ULK4: variants seen among roughly 807,000 people sequenced by gnomAD.
ULK4 encodes inactive serine/threonine-protein kinase ULK4.
ULK4 carries 133 observed loss-of-function variants against 160.6 expected under a neutral mutation model. The ratio of observed to expected loss-of-function variants is 0.83; its 90% CI spans 0.72 to 0.96. ULK4 has a LOEUF of 0.96. Among genes scored for constraint, ULK4 ranks in the 40% least tolerant of loss-of-function variants. The pLI is 0.00. For synonymous variants in ULK4, 534 were observed against 539.8 expected, an observed-to-expected ratio of 0.99 and a Z score of 0.15; for missense variants, 1,580 against 1,499.5, an observed-to-expected ratio of 1.05 and a Z score of -0.89.
intron 29 of ULK4, among the ~76,000 whole-genome samples, chr3:41,675,596 A>G (rs1428127672): frequency 6.6e-6 from 1 of 152,132 alleles, no homozygotes; most frequent in Non-Finnish European, 1.5e-5. Context: ...TCTCAAAACA[A>G]AACAAAACAA....
intron 29 of ULK4, among the ~76,000 whole-genome samples, chr3:41,681,039 G>T (rs1445430499): frequency 6.6e-6 from 1 of 152,124 alleles, no homozygotes; most frequent in Non-Finnish European, 1.5e-5. Flanking sequence ...CTCATTACCT[G>T]TTCCGCCACC....
At chr3:41,858,140 TTTGTTTG>T (rs1425984990) in intron 17 of ULK4, among the ~76,000 whole-genome samples, 1,484 of 90,048 alleles carry the variant, frequency 0.016, 30 homozygotes, top group African/African-American at 0.097. Flanking sequence ...TAGGGTTTTT[TTTGTTTG>T]TTTTTTTTTT....
chr3:41,512,766 A>G (rs1261222456), intron 32 of ULK4, among the ~76,000 whole-genome samples: 1 of 152,142 alleles, frequency 6.6e-6, no homozygotes, highest in Admixed American at 6.5e-5. Context: ...ACAGAACTAG[A>G]AAAAAACACT....
intron 35 of ULK4, among the ~76,000 whole-genome samples, chr3:41,281,526 A>G (rs950281025): frequency 2.0e-5 from 3 of 152,220 alleles, no homozygotes; most frequent in Non-Finnish European, 4.4e-5. Flanking sequence ...AGTCCATCAC[A>G]TAAACAGAAC....
Position 41,554,139 on chromosome 3 carries a change from CG to C in ULK4, c.3226+11885del, listed in dbSNP as rs371757255. ...CGTAACATAATAACCTGCAGTTCCA[CG>C]GAAGTACCGTTTGATCCAGCAATCC... On this transcript the variant is annotated intron_variant, in intron 32 of 36. Coordinates refer to ENST00000301831, the MANE Select transcript of ULK4 (RefSeq NM_017886.4). Among the ~76,000 whole-genome samples, 45 of 152,174 alleles carry C rather than the reference CG, an allele frequency of 3.0e-4. 1 individual carries two copies. The East Asian group carries it at 3.5e-3, about 12-fold the overall frequency.
chr3:41,598,231 CCA>C (rs1171922845), intron 31 of ULK4, among the ~76,000 whole-genome samples: 1 of 152,176 alleles, frequency 6.6e-6, no homozygotes, highest in Non-Finnish European at 1.5e-5. Context: ...CCTGCCATGC[CCA>C]GTCATCTACC....
chr3:41,546,819 C>T (rs1237117375), intron 32 of ULK4, among the ~76,000 whole-genome samples: 3 of 147,922 alleles, frequency 2.0e-5, no homozygotes, highest in East Asian at 4.0e-4. Context: ...TTTCACCTCA[C>T]GTGTTTCACT....
intron 35 of ULK4, among the ~76,000 whole-genome samples, chr3:41,374,487 T>G (rs1179889020): frequency 6.6e-6 from 1 of 151,946 alleles, no homozygotes; most frequent in Non-Finnish European, 1.5e-5. Flanking sequence ...TTCAACATAT[T>G]CAACTCAATA....
chr3:41,309,158 C>T (rs754320761), intron 35 of ULK4, among the ~76,000 whole-genome samples: 50 of 151,754 alleles, frequency 3.3e-4, no homozygotes, highest in Non-Finnish European at 6.5e-4. Context: ...AAATTATCAG[C>T]TAATACCTCT....
chr3:41,953,806 G>A (rs569021400), intron 2 of ULK4, among the ~76,000 whole-genome samples: 4 of 152,146 alleles, frequency 2.6e-5, no homozygotes, highest in Admixed American at 6.5e-5. Context: ...CCAACACTTC[G>A]GGAGGCTGAG....
intron 30 of ULK4, among the ~76,000 whole-genome samples, chr3:41,653,365 T>A (rs2125743493): frequency 6.6e-6 from 1 of 152,310 alleles, no homozygotes; most frequent in Non-Finnish European, 1.5e-5. Flanking sequence ...TGTCCACATT[T>A]TCCTCTGCCC....
intron 25 of ULK4, among the ~76,000 whole-genome samples, chr3:41,708,021 A>T (rs2036964153): frequency 6.6e-6 from 1 of 152,134 alleles, no homozygotes; most frequent in South Asian, 2.1e-4. Context: ...AACAAGGACC[A>T]GTGAGGATGT....
In ULK4 at chr3:41,599,263, T is replaced by C. The variant is rs140384500; in HGVS notation, c.3120+16406A>G. On this transcript the variant is annotated intron_variant, in intron 31 of 36. Coordinates refer to ENST00000301831, the MANE Select transcript of ULK4 (RefSeq NM_017886.4). ...TAATGTTTAGGTCAGCTGATTAGGATGAGGATAATTAATGCTTAGGTCAGC... is the reference window on the plus strand; with the variant it reads ...TAATGTTTAGGTCAGCTGATTAGGACGAGGATAATTAATGCTTAGGTCAGC... 9.8e-5 allele frequency among the ~76,000 whole-genome samples: 15 copies of C among 152,322 alleles called. No homozygotes were observed. In the East Asian group the frequency reaches 2.7e-3, roughly 27 times the overall value.
intron 30 of ULK4, among the ~76,000 whole-genome samples, 173 bp downstream of exon 30, chr3:41,663,434 G>C (rs2035250654): frequency 6.6e-6 from 1 of 152,054 alleles, no homozygotes; most frequent in Admixed American, 6.6e-5. Flanking sequence ...ATGAGAACGA[G>C]AGTCAAAACA....
At chr3:41,435,673 G>A (rs1357757048) in intron 34 of ULK4, among the ~76,000 whole-genome samples, 1 of 152,210 alleles carries the variant, frequency 6.6e-6, no homozygotes, top group East Asian at 1.9e-4. Context: ...CAGGCTGGGT[G>A]CAGTGGCTCA....
chr3:41,369,997 A>G (rs754221870), intron 35 of ULK4, among the ~76,000 whole-genome samples: 3 of 152,190 alleles, frequency 2.0e-5, no homozygotes, highest in Non-Finnish European at 4.4e-5. Context: ...CTGGCAAAGA[A>G]AAGTATATCA....
At chr3:41,508,236 C>A (rs2085459824) in intron 32 of ULK4, among the ~76,000 whole-genome samples, 1 of 152,162 alleles carries the variant, frequency 6.6e-6, no homozygotes, top group South Asian at 2.1e-4. Context: ...CATAACTTCA[C>A]TGGACTGGGA....
chr3:41,890,001 C>CA (rs1390747506), intron 16 of ULK4, among the ~76,000 whole-genome samples: 1 of 152,276 alleles, frequency 6.6e-6, no homozygotes, highest in East Asian at 1.9e-4. Context: ...AAGCTAGACA[C>CA]AAAAGGCCAC....
chr3:41,692,293 C>T (rs2036332111), intron 27 of ULK4, among the ~76,000 whole-genome samples: 1 of 152,050 alleles, frequency 6.6e-6, no homozygotes, highest in Admixed American at 6.6e-5. Context: ...CACGACGACA[C>T]AATCTGACAC....
Sources: gnomAD v4.1 joint callset for allele counts (sites outside exome capture counted in the v4.1 genomes callset) on GRCh38, gnomAD v4.1.1 for gene constraint, MANE v1.5 for transcripts, NCBI Gene and HGNC (gene_info 2026-07-23, HGNC 2026-07-21) for gene names.